The following SPATA22 variants were observed in gnomAD, a reference collection of about 807,000 sequenced individuals.
The protein encoded by SPATA22 is spermatogenesis-associated protein 22.
A neutral mutation model predicts 47.8 loss-of-function variants in SPATA22; 29 were observed. The observed-to-expected ratio is 0.61, with a 90% CI of 0.45 to 0.83. The LOEUF (loss-of-function observed/expected upper bound fraction) is 0.83. Ranked by LOEUF, SPATA22 falls within the 40% of genes least tolerant of loss-of-function variation. The probability of loss-of-function intolerance (pLI) is 0.00; values close to 1 mark genes in which losing one functional copy is unlikely to be tolerated. For missense variants in SPATA22, 410 were observed against 421.7 expected, an observed-to-expected ratio of 0.97 and a Z score of 0.24; for synonymous variants, 133 against 140.9, an observed-to-expected ratio of 0.94 and a Z score of 0.40.
At chr17:3,476,279 G>C, upstream of SPATA22, 1 of 1,614,172 alleles carries the variant, frequency 6.2e-7, no homozygotes, top group Non-Finnish European at 8.5e-7. Flanking sequence ...ATGGCGCTGA[G>C]ATTCAGAGAA....
chr17:3,444,404 T>C (rs2072670964), intron 7 of SPATA22, among the ~76,000 whole-genome samples: 2 of 152,088 alleles, frequency 1.3e-5, no homozygotes, highest in Non-Finnish European at 2.9e-5. Flanking sequence ...AATGGTTATA[T>C]GCAAAGACTC....
intron 1 of SPATA22, chr17:3,501,713 G>T (rs2073991433): frequency 6.5e-6 from 1 of 153,242 alleles, no homozygotes; most frequent in Admixed American, 6.5e-5. Flanking sequence ...CACTTTGGGA[G>T]GCCAAGGCAG....
At chr17:3,492,009 T>C (rs2073834745) in intron 1 of SPATA22, among the ~76,000 whole-genome samples, 1 of 151,576 alleles carries the variant, frequency 6.6e-6, no homozygotes, top group African/African-American at 2.4e-5. Flanking sequence ...CCTGAGTTGC[T>C]GGGACTACAG....
chr17:3,451,930 G>C (rs1164502778), intron 5 of SPATA22, among the ~76,000 whole-genome samples: 1 of 148,998 alleles, frequency 6.7e-6, no homozygotes, highest in South Asian at 2.1e-4. Context: ...CTGGGCGACA[G>C]AGCGAGACTC....
At chr17:3,506,554 T>C (rs1412579911) in intron 1 of SPATA22, among the ~76,000 whole-genome samples, 1 of 152,180 alleles carries the variant, frequency 6.6e-6, no homozygotes, top group Admixed American at 6.5e-5. Flanking sequence ...AACTACATAT[T>C]AAGGGAAAGA....
chr17:3,495,237 G>A (rs972840097), intron 1 of SPATA22, among the ~76,000 whole-genome samples: 4 of 152,184 alleles, frequency 2.6e-5, no homozygotes, highest in Admixed American at 1.3e-4. Flanking sequence ...AGAGATGGAA[G>A]AGAACTGGTG....
intron 1 of SPATA22, among the ~76,000 whole-genome samples, chr17:3,486,537 T>A (rs2073725128): frequency 6.6e-6 from 1 of 152,164 alleles, no homozygotes; most frequent in Non-Finnish European, 1.5e-5. Context: ...TCTGGTAACT[T>A]CCAACATGCA....
At position 3,448,962 on chromosome 17, in the gene SPATA22, C is replaced by G. The variant is rs574888073; in HGVS notation, c.517G>C (p.Glu173Gln). The G allele has an allele frequency of 6.2e-7, 1 of 1,613,928 alleles. No individual in the cohort carries two copies. Among genetic ancestry groups the G allele is most frequent in the South Asian group, 1.1e-5 (1 of 91,074 alleles). The stretch of plus-strand genomic sequence containing the variant: ...GATGAATGTGTTTGTCTGAGTAGCT[C>G]GGTTTCTTTGTTGCGAGATAAGTTA... ...PPNLSRNKET[E>Q]LLRQTHSSKI... The change falls in exon 6 of 9, where the codon GAG becomes CAG. Residue 173 changes from glutamate to glutamine, a missense_variant. By Grantham distance (29) the Glu-to-Gln change is conservative (BLOSUM62 2). Transcript: ENST00000572969.
chr17:3,478,888 C>T (rs968029415), intron 1 of SPATA22, among the ~76,000 whole-genome samples: 2 of 152,196 alleles, frequency 1.3e-5, no homozygotes, highest in Admixed American at 6.5e-5. Context: ...TCTAGTGGGT[C>T]ACTAAGTCCT....
At chr17:3,480,930 G>T (rs1401195945) in intron 1 of SPATA22, among the ~76,000 whole-genome samples, 1 of 152,124 alleles carries the variant, frequency 6.6e-6, no homozygotes, top group Non-Finnish European at 1.5e-5. Flanking sequence ...GACCAGCCTG[G>T]GCAACAGAGC....
intron 5 of SPATA22, 91 bp from the exon 6 acceptor site, chr17:3,449,240 T>A: frequency 1.0e-6 from 1 of 980,360 alleles, no homozygotes; most frequent in Non-Finnish European, 1.5e-6. Flanking sequence ...ATATGGCAAT[T>A]TATGACTTAG....
At chr17:3,441,865 C>T (rs1339286861) in intron 8 of SPATA22, 1 of 151,882 alleles carries the variant, frequency 6.6e-6, no homozygotes, top group Non-Finnish European at 1.5e-5. Context: ...ATCTTACAAA[C>T]ATTTTGTCAA....
intron 1 of SPATA22, chr17:3,481,610 ATGTCAGAAGATT>A: frequency 6.2e-7 from 1 of 1,613,526 alleles, no homozygotes; most frequent in Non-Finnish European, 8.5e-7. Context: ...CAGCAAAAAA[ATGTCAGAAGATT>A]TGCCATATGA....
upstream of SPATA22, among the ~76,000 whole-genome samples, chr17:3,473,690 G>C (rs963295046): frequency 1.3e-5 from 2 of 152,102 alleles, no homozygotes; most frequent in Admixed American, 6.5e-5. Flanking sequence ...TAGAGACGGG[G>C]TTTCACCATG....
chr17:3,443,597 A>T (rs1051969682), intron 7 of SPATA22, among the ~76,000 whole-genome samples: 1 of 152,032 alleles, frequency 6.6e-6, no homozygotes, highest in Admixed American at 6.6e-5. Context: ...ACATTATAAT[A>T]ATAAAATGCA....
chr17:3,484,072 A>G (rs976307490), intron 1 of SPATA22, among the ~76,000 whole-genome samples: 2 of 152,122 alleles, frequency 1.3e-5, no homozygotes, highest in Non-Finnish European at 2.9e-5. Context: ...AATTTCCCCA[A>G]TTTCACTGAG....
At chr17:3,489,467 G>A (rs1597439389) in intron 1 of SPATA22, 1 of 767,774 alleles carries the variant, frequency 1.3e-6, no homozygotes, top group African/African-American at 1.7e-5. Flanking sequence ...ATTCACTTCA[G>A]CTATTCCCCA....
chr17:3,480,554 T>C (rs1211527487), intron 1 of SPATA22, among the ~76,000 whole-genome samples: 1 of 152,168 alleles, frequency 6.6e-6, no homozygotes, highest in Non-Finnish European at 1.5e-5. Context: ...TTACAAAATA[T>C]CTCAAGCCCT....
At chr17:3,491,687 G>T (rs574092945) in intron 1 of SPATA22, among the ~76,000 whole-genome samples, 42 of 151,970 alleles carry the variant, frequency 2.8e-4, no homozygotes, top group Non-Finnish European at 4.0e-4. Flanking sequence ...GGCAGAGATT[G>T]CAGTGAGCCG....
Sources: allele counts gnomAD v4.1 joint callset (sites outside exome capture counted in the v4.1 genomes callset), GRCh38; gene constraint gnomAD v4.1.1; transcripts MANE v1.5; gene names NCBI Gene and HGNC (gene_info 2026-07-23, HGNC 2026-07-21).